UBE3D: variants seen among roughly 807,000 people sequenced by gnomAD.
UBE3D encodes ubiquitin protein ligase E3D.
UBE3D carries 48 observed loss-of-function variants against 49.6 expected under a neutral mutation model. That is an observed-to-expected ratio of 0.97 (90% confidence interval 0.77 to 1.23). The LOEUF is 1.23. Among genes scored for constraint, UBE3D ranks in the 50% most tolerant of loss-of-function variants. UBE3D has a pLI of 0.00. For missense variants in UBE3D, 452 were observed against 468.4 expected (o/e 0.96, Z 0.32); for synonymous variants, 189 against 174.2 (o/e 1.08, Z -0.67).
Position 83,065,688 on chromosome 6 carries a change from A to G in UBE3D, c.31T>C (p.Phe11Leu). The G allele has an allele frequency of 6.2e-7, 1 of 1,612,946 alleles. No individual in the cohort carries two copies. Among genetic ancestry groups the G allele is most frequent in the Non-Finnish European group, 8.5e-7 (1 of 1,179,592 alleles). The change falls in exon 1 of 10, where the codon TTT becomes CTT. Residue 11 changes from phenylalanine (F) to leucine (L), a missense_variant. Physicochemically the swap from Phe to Leu is conservative, Grantham distance 22. Coordinates refer to ENST00000369747, the MANE Select transcript of UBE3D (RefSeq NM_198920.3). ...TGCAGCTGTCCCCGCACCTCCAGAAACACGCGCGTCTCCGCCGCAGAAGCC... is the reference window on the plus strand; with the variant it reads ...TGCAGCTGTCCCCGCACCTCCAGAAGCACGCGCGTCTCCGCCGCAGAAGCC... Reference protein sequence around the residue: MAASAAETRVFLEVRGQLQSA... With the variant: MAASAAETRVLLEVRGQLQSA...
intron 8 of UBE3D, among the ~76,000 whole-genome samples, chr6:82,964,559 G>T (rs573647523): frequency 6.6e-6 from 1 of 152,264 alleles, no homozygotes; most frequent in East Asian, 1.9e-4. Context: ...GCCTATTAAA[G>T]ATATTGAAAT....
Position 83,044,473 on chromosome 6 carries a change from G to A in UBE3D, c.552C>T (p.Ser184=), listed in dbSNP as rs1562221702. The change falls in exon 4 of 10, where the codon TCC becomes TCT. Residue 184 remains serine (S), a synonymous_variant. Coordinates refer to ENST00000369747, the MANE Select transcript of UBE3D (RefSeq NM_198920.3). The part of the protein sequence containing the change: ...TSLWQQRPEL[S]PVEMCCVSSD... Reference sequence around the variant, plus strand: ...AAGAAACACAGCACATCTCCACTGGGGATAGTTCAGGTCTTTGCTGCCACA... The same window carrying A: ...AAGAAACACAGCACATCTCCACTGGAGATAGTTCAGGTCTTTGCTGCCACA... The A allele has an allele frequency of 5.0e-6, 8 of 1,614,014 alleles. No homozygotes were observed. Among genetic ancestry groups the A allele is most frequent in the South Asian group, 1.1e-5 (1 of 91,070 alleles).
intron 3 of UBE3D, among the ~76,000 whole-genome samples, chr6:83,052,946 C>T (rs1013311329): frequency 6.6e-6 from 1 of 152,156 alleles, no homozygotes; most frequent in East Asian, 1.9e-4. Flanking sequence ...GGTAGAGGCA[C>T]TGGGATGGAG....
At chr6:82,888,604 A>G (rs114847910), downstream of UBE3D, among the ~76,000 whole-genome samples, 938 of 152,250 alleles carry the variant, frequency 6.2e-3, 4 homozygotes, top group African/African-American at 0.021. Flanking sequence ...AGGCTACTAA[A>G]AGACACGACT....
chr6:83,053,732 T>G (rs1783626462), intron 3 of UBE3D, among the ~76,000 whole-genome samples: 2 of 152,204 alleles, frequency 1.3e-5, no homozygotes. Context: ...GAAATGGATT[T>G]TAGAAAGGCA....
chr6:83,032,434 G>C (rs1023006776), intron 5 of UBE3D: 7 of 365,590 alleles, frequency 1.9e-5, no homozygotes, highest in Non-Finnish European at 3.8e-5. Context: ...ATTTGGAATG[G>C]GTGTATTTAC....
intron 3 of UBE3D, among the ~76,000 whole-genome samples, chr6:83,046,435 T>A (rs921565666): frequency 6.6e-6 from 1 of 152,206 alleles, no homozygotes; most frequent in African/African-American, 2.4e-5. Flanking sequence ...GCTGCACCAT[T>A]GGTATCATCA....
intron 1 of UBE3D, among the ~76,000 whole-genome samples, chr6:83,060,691 G>A (rs1359654226): frequency 6.6e-6 from 1 of 152,112 alleles, no homozygotes; most frequent in Non-Finnish European, 1.5e-5. Context: ...GGCTGTAACA[G>A]GGAAAGAATG....
rs534202233 is a variant in UBE3D, at chr6:83,001,341, C to A, written c.1010+17632G>T. Among the ~76,000 whole-genome samples the A allele has an allele frequency of 2.6e-5, 4 of 152,322 alleles. No individual in the cohort carries two copies. In the East Asian group the frequency reaches 5.8e-4, roughly 22 times the overall value. ...AATATTAAATTCCTAATACCTAGCA[C>A]AAGAGTACACATTTAATAAGTATTT... On this transcript the variant is annotated intron_variant, in intron 8 of 9. Transcript: ENST00000369747.
chr6:83,037,353 G>A (rs1445562204), intron 5 of UBE3D: 3 of 152,088 alleles, frequency 2.0e-5, no homozygotes, highest in African/African-American at 4.8e-5. Flanking sequence ...CTTTGCCTTT[G>A]TAGATATATA....
chr6:82,882,039 A>G, the UBE3D span, among the ~76,000 whole-genome samples: 1 of 152,040 alleles, frequency 6.6e-6, no homozygotes, highest in Non-Finnish European at 1.5e-5. Context: ...TCCACTTACA[A>G]TGCTCTCCAA....
intron 9 of UBE3D, among the ~76,000 whole-genome samples, chr6:82,907,816 A>G (rs74666844): frequency 0.012 from 1,895 of 152,218 alleles, 106 homozygotes; most frequent in Admixed American, 0.085. Context: ...CTATCCTACA[A>G]CCCAGCAATT....
intron 8 of UBE3D, among the ~76,000 whole-genome samples, chr6:82,991,442 A>C (rs947872405): frequency 6.6e-6 from 1 of 152,190 alleles, no homozygotes; most frequent in Admixed American, 6.5e-5. Flanking sequence ...ATGACTCATC[A>C]CTATATTGAG....
intron 1 of UBE3D, among the ~76,000 whole-genome samples, chr6:83,064,533 C>G (rs570572252): frequency 6.6e-6 from 1 of 152,134 alleles, no homozygotes; most frequent in Non-Finnish European, 1.5e-5. Context: ...CTTGCCTAAA[C>G]AAAGGAGAGT....
At chr6:82,975,462 T>A (rs900785435) in intron 8 of UBE3D, among the ~76,000 whole-genome samples, 1 of 152,176 alleles carries the variant, frequency 6.6e-6, no homozygotes, top group Non-Finnish European at 1.5e-5. Flanking sequence ...CTAGCAGTAG[T>A]TGTCAGTGTA....
chr6:83,032,341 T>C (rs1261262248), intron 5 of UBE3D: 4 of 451,824 alleles, frequency 8.9e-6, no homozygotes, highest in East Asian at 1.4e-4. Flanking sequence ...AGAGATCATT[T>C]TGGAGCTTTA....
At chr6:83,062,315 C>T (rs1189540112) in intron 1 of UBE3D, among the ~76,000 whole-genome samples, 1 of 152,186 alleles carries the variant, frequency 6.6e-6, no homozygotes, top group Non-Finnish European at 1.5e-5. Context: ...TAGATCTTTA[C>T]ATCTGTGAAT....
intron 9 of UBE3D, among the ~76,000 whole-genome samples, chr6:82,903,789 G>T (rs1771906350): frequency 1.3e-5 from 2 of 152,142 alleles, no homozygotes; most frequent in South Asian, 4.1e-4. Context: ...TAATTAGCCT[G>T]TTTGTTTTAA....
intron 8 of UBE3D, among the ~76,000 whole-genome samples, chr6:82,986,355 G>T (rs891859351): frequency 6.7e-6 from 1 of 150,030 alleles, no homozygotes; most frequent in African/African-American, 2.5e-5. Flanking sequence ...CCTGTAATCC[G>T]ACCTACTCGG....
Sources: allele counts gnomAD v4.1 joint callset (sites outside exome capture counted in the v4.1 genomes callset), GRCh38; gene constraint gnomAD v4.1.1; transcripts MANE v1.5; gene names NCBI Gene and HGNC (gene_info 2026-07-23, HGNC 2026-07-21).